Variants in SRCIN1 observed in about 807,000 individuals in gnomAD.
SRCIN1 encodes the protein SRC kinase signaling inhibitor 1, also known as P130Cas-associated protein.
In SRCIN1, 50 loss-of-function variants were observed where a neutral mutation model predicts 116.2. The observed-to-expected ratio is 0.43, with a 90% confidence interval of 0.34 to 0.54. The LOEUF (loss-of-function observed/expected upper bound fraction) is 0.54, where lower values mean the gene tolerates loss of function less well. Ranked by LOEUF, SRCIN1 falls within the 20% of genes least tolerant of loss-of-function variation. The probability of loss-of-function intolerance (pLI) is 0.02; values close to 1 mark genes in which losing one functional copy is unlikely to be tolerated. For synonymous variants in SRCIN1, 736 were observed against 750.0 expected, an observed-to-expected ratio of 0.98 and a Z score of 0.30; for missense variants, 1,446 against 1,672.0, an observed-to-expected ratio of 0.86 and a Z score of 2.36.
chr17:38,568,234 G>A lies in SRCIN1; in HGVS notation c.325-3C>T. On this transcript the variant is annotated splice_polypyrimidine_tract_variant and splice_region_variant and intron_variant, in intron 2 of 18. Transcript: ENST00000617146. This position sits in a 1 kb window ranked among gnomAD's most constrained non-coding sequence, Gnocchi z 4.5. ...ACCTTGAAACTCCAGTAGTTTGGCT[G>A]CTGATGGAAATAAGAGAAGAGATGG... 1 of 1,613,216 alleles carries A rather than the reference G, an allele frequency of 6.2e-7. No individual in the cohort carries two copies. The highest frequency in any genetic ancestry group is 2.2e-5 in the East Asian group (1 of 44,866).
At position 38,558,079 on chromosome 17, in the gene SRCIN1, A is replaced by G; in HGVS notation, c.2201+148T>C. The G allele has an allele frequency of 1.2e-6, 1 of 853,690 alleles. No homozygotes were observed. The highest frequency in any genetic ancestry group is 1.7e-6 in the Non-Finnish European group (1 of 572,258). 52.9% of individuals were successfully genotyped at this position (853,690 alleles called of 1,614,324 possible). A position where few individuals can be genotyped will look rare whatever the true frequency, so the allele number is the denominator to read the frequency against. On this transcript the variant is annotated intron_variant, in intron 11 of 18. Coordinates refer to ENST00000617146, the MANE Select transcript of SRCIN1 (RefSeq NM_025248.3). The surrounding 1 kb of genome is among the most constrained non-coding windows in gnomAD (Gnocchi z 4.6). ...AAAGTTTGTGGGTCACAGTGAAATC[A>G]GGCCAGAGGAGAATGAAATCAGGCT...
intron 1 of SRCIN1, among the ~76,000 whole-genome samples, chr17:38,583,062 C>T (rs1458900476): frequency 6.6e-6 from 1 of 152,130 alleles, no homozygotes; most frequent in Non-Finnish European, 1.5e-5. Flanking sequence ...TTCTGAGACC[C>T]CAGGCTAGCC....
intron 17 of SRCIN1, 67 bp downstream of exon 17, chr17:38,548,490 T>TG (rs1466701814): frequency 6.3e-7 from 1 of 1,586,850 alleles, no homozygotes; most frequent in Non-Finnish European, 8.6e-7. Context: ...TCACCTGGCC[T>TG]GGGGGGCAGC....
chr17:38,566,529 G>A (rs1174564670), intron 3 of SRCIN1, among the ~76,000 whole-genome samples: 1 of 152,200 alleles, frequency 6.6e-6, no homozygotes, highest in Non-Finnish European at 1.5e-5. Context: ...ACCATGGGAG[G>A]TAGAGAGCGC....
chr17:38,548,612 ATGATGGG>A lies in SRCIN1; in HGVS notation c.3208_3214del (p.Pro1070TrpfsTer18). The A allele has an allele frequency of 6.2e-7, 1 of 1,613,222 alleles. No individual in the cohort carries two copies. The highest frequency in any genetic ancestry group is 1.1e-5 in the South Asian group (1 of 91,078). On this transcript the variant is annotated frameshift_variant, in exon 17 of 19. Coordinates refer to ENST00000617146, the MANE Select transcript of SRCIN1 (RefSeq NM_025248.3). LOFTEE classifies it high-confidence loss of function. ...ATCCTCGTCCTTGATGGCCGAGGCC[ATGATGGG>A]TGGTGTGGAGGCTGGGCGGGCCACC...
chr17:38,548,530 T>C, intron 17 of SRCIN1, 27 bp downstream of exon 17: 1 of 1,606,334 alleles, frequency 6.2e-7, no homozygotes, highest in Non-Finnish European at 8.5e-7. Flanking sequence ...GGCTGAGACC[T>C]TGGGGGCCAG....
rs1831396358 is a variant in SRCIN1, at chr17:38,564,171, C to A, written c.488G>T (p.Arg163Leu). Residue 163 changes from arginine to leucine, a missense_variant, in exon 4 of 19, where the codon CGA becomes CTA. By Grantham distance (102) the Arg-to-Leu change is moderately radical. Transcript: ENST00000617146. ...PLGFSRMNRFRQSLPLSRSAS... is the reference protein window; with the variant it reads ...PLGFSRMNRFLQSLPLSRSAS... Reference sequence around the variant, plus strand: ...CGAGCGGGAGAGAGGCAGGCTCTGTCGGAAGCGGTTCATCCTGCTGAAGCC... The same window carrying A: ...CGAGCGGGAGAGAGGCAGGCTCTGTAGGAAGCGGTTCATCCTGCTGAAGCC... 2 of 1,596,084 alleles carry A rather than the reference C, an allele frequency of 1.3e-6. No individual in the cohort carries two copies. Among genetic ancestry groups the A allele is most frequent in the Non-Finnish European group, 1.7e-6 (2 of 1,172,296 alleles).
In SRCIN1 at chr17:38,558,119, C is replaced by A. The variant is rs1207479842; in HGVS notation, c.2201+108G>T. 2.3e-6 allele frequency: 3 copies of A among 1,306,086 alleles called. No individual in the cohort carries two copies. Among genetic ancestry groups the A allele is most frequent in the Admixed American group, 2.0e-5 (1 of 50,084 alleles). The allele number at this position is 1,306,086 out of a possible 1,614,324, so 80.9% of individuals were successfully genotyped here. A position where few individuals can be genotyped will look rare whatever the true frequency, so the allele number is the denominator to read the frequency against. ...GAAATCAGGCTTCAGAACAGACCAA[C>A]GCCACCTGTGACTCAGAGGGAAGGG... On this transcript the variant is annotated intron_variant, in intron 11 of 18. Coordinates refer to ENST00000617146, the MANE Select transcript of SRCIN1 (RefSeq NM_025248.3). The surrounding 1 kb of genome is among the most constrained non-coding windows in gnomAD (Gnocchi z 4.6).
At chr17:38,571,336 C>CAATG (rs1307073797) in intron 2 of SRCIN1, among the ~76,000 whole-genome samples, 3 of 152,148 alleles carry the variant, frequency 2.0e-5, no homozygotes, top group Non-Finnish European at 4.4e-5. Flanking sequence ...AAGTATGTGA[C>CAATG]AATGAATGAA....
At chr17:38,540,677 G>T (rs1442853586) in intron 18 of SRCIN1, among the ~76,000 whole-genome samples, 4 of 152,138 alleles carry the variant, frequency 2.6e-5, no homozygotes, top group Non-Finnish European at 5.9e-5. Context: ...GCCCTGGGCC[G>T]CACATGAAGG....
Position 38,543,852 on chromosome 17 carries a change from C to T in SRCIN1, c.3388G>A (p.Glu1130Lys), listed in dbSNP as rs762867504. The T allele has an allele frequency of 5.6e-6, 9 of 1,607,744 alleles. No homozygotes were observed. The highest frequency in any genetic ancestry group is 1.1e-5 in the South Asian group (1 of 91,052). Residue 1130 changes from glutamate to lysine, a missense_variant, in exon 18 of 19, where the codon GAG becomes AAG. Glu to Lys is a moderately conservative substitution (Grantham distance 56). Around this residue, in one of 5 missense-constraint regions of SRCIN1, gnomAD observed 531 missense variants for 633.9 expected, o/e 0.84. Coordinates refer to ENST00000617146, the MANE Select transcript of SRCIN1 (RefSeq NM_025248.3). ...TGCTGGGCCTGGATCCGCATGTACT[C>T]GGCCCTCTGCTTGCCATGTTTGCTT... ...DKSKHGKQRA[E>K]YMRIQAQQQA...
intron 3 of SRCIN1, among the ~76,000 whole-genome samples, chr17:38,565,564 C>T (rs1349712011): frequency 6.6e-6 from 1 of 152,128 alleles, no homozygotes; most frequent in African/African-American, 2.4e-5. Flanking sequence ...AAAAAGACAA[C>T]AATAAAATAT....
Position 38,568,346 on chromosome 17 carries a change from C to G in SRCIN1, c.325-115G>C. 1 of 967,262 alleles carries G rather than the reference C, an allele frequency of 1.0e-6. No individual in the cohort carries two copies. Among genetic ancestry groups the G allele is most frequent in the African/African-American group, 1.6e-5 (1 of 62,166 alleles). 59.9% of individuals were successfully genotyped at this position (967,262 alleles called of 1,614,324 possible). On this transcript the variant is annotated intron_variant, in intron 2 of 18. Coordinates refer to ENST00000617146, the MANE Select transcript of SRCIN1 (RefSeq NM_025248.3). The surrounding 1 kb of genome is among the most constrained non-coding windows in gnomAD (Gnocchi z 4.5). Reference sequence around the variant, plus strand: ...AGCACTCAGCCCTAGGACAAGGGCCCTCCACCCTCCCAGGAGCAGGAATGA... The same window carrying G: ...AGCACTCAGCCCTAGGACAAGGGCCGTCCACCCTCCCAGGAGCAGGAATGA...
chr17:38,559,424 G>A lies in SRCIN1; in HGVS notation c.2025+161C>T, dbSNP rs1906046448. 4 of 700,002 alleles carry A rather than the reference G, an allele frequency of 5.7e-6. No homozygotes were observed. In the East Asian group the frequency reaches 9.1e-5, roughly 16 times the overall value. 43.4% of individuals were successfully genotyped at this position (700,002 alleles called of 1,614,324 possible). A position where few individuals can be genotyped will look rare whatever the true frequency, so the allele number is the denominator to read the frequency against. The stretch of plus-strand genomic sequence containing the variant: ...GGAGCGGAAGCTCAAGAAAGGGGAA[G>A]GGGAGAAAGGGTTCGGAGAGAGGCC... On this transcript the variant is annotated intron_variant, in intron 10 of 18. Transcript: ENST00000617146.
intron 3 of SRCIN1, 107 bp from the exon 4 acceptor site, chr17:38,564,420 A>ACCCACACAGATTACAGACT (rs374207261): frequency 2.6e-6 from 3 of 1,173,434 alleles, no homozygotes; most frequent in Admixed American, 2.6e-5. Context: ...AGCCAGCGAC[A>ACCCACACAGATTACAGACT]CCCACACAGA....
At chr17:38,551,524 G>T in intron 14 of SRCIN1, 135 bp from the exon 15 acceptor site, 1 of 774,000 alleles carries the variant, frequency 1.3e-6, no homozygotes, top group South Asian at 1.8e-5. Context: ...CCTCCAGGAA[G>T]ACACTTTGAC....
chr17:38,533,329 A>G lies in SRCIN1; in HGVS notation c.3520T>C (p.Phe1174Leu). ...GAGATGGAAGAATTCCTTGCCCCAA[A>G]GGAAGTCAATACAGGGATAGAGGTT... ...SRTSIPVLTS[F>L]GARNSSISF Residue 1174 changes from phenylalanine to leucine, a missense_variant, in exon 19 of 19, where the codon TTT becomes CTT. Physicochemically the swap from Phe to Leu is conservative, Grantham distance 22. Around this residue, in one of 5 missense-constraint regions of SRCIN1, gnomAD observed 531 missense variants for 633.9 expected, o/e 0.84. Coordinates refer to ENST00000617146, the MANE Select transcript of SRCIN1 (RefSeq NM_025248.3). 6.3e-7 allele frequency: 1 copy of G among 1,591,060 alleles called. No individual in the cohort carries two copies. Among genetic ancestry groups the G allele is most frequent in the Non-Finnish European group, 8.6e-7 (1 of 1,168,440 alleles).
intron 17 of SRCIN1, chr17:38,546,474 G>T (rs993812642): frequency 9.8e-5 from 15 of 152,334 alleles, no homozygotes; most frequent in African/African-American, 3.1e-4. Flanking sequence ...GAAGTGGGGG[G>T]TGCTGACTGG....
At chr17:38,540,770 TGTGACACACACAGAGA>T (rs1904684864) in intron 18 of SRCIN1, among the ~76,000 whole-genome samples, 1 of 144,976 alleles carries the variant, frequency 6.9e-6, no homozygotes, top group African/African-American at 2.7e-5. Context: ...TGTGTGTGTG[TGTGACACACACAGAGA>T]CAATCAAATC....
Sources: gnomAD v4.1 joint callset for allele counts (sites outside exome capture counted in the v4.1 genomes callset) on GRCh38, gnomAD v4.1.1 for gene constraint, gnomAD v4.1.1 regional missense constraint, Gnocchi (gnomAD v3.1) non-coding constraint, MANE v1.5 for transcripts, NCBI Gene and HGNC (gene_info 2026-07-23, HGNC 2026-07-21) for gene names.